ZNF91: variants seen among roughly 807,000 people sequenced by gnomAD.
ZNF91 encodes the protein zinc finger protein 91.
In ZNF91, 7 loss-of-function variants were observed where a neutral mutation model predicts 12.6. The ratio of observed to expected loss-of-function variants is 0.55; its 90% CI spans 0.31 to 1.04. The LOEUF (loss-of-function observed/expected upper bound fraction) is 1.04. ZNF91 is among the 50% of genes least tolerant of loss of function. The pLI is 0.05. For missense variants in ZNF91, 1,217 were observed against 1,385.4 expected (o/e 0.88, Z 1.93); for synonymous variants, 453 against 462.6 (o/e 0.98, Z 0.27).
At chr19:23,311,634 A>T (rs1967473426), upstream of ZNF91, among the ~76,000 whole-genome samples, 2 of 152,112 alleles carry the variant, frequency 1.3e-5, no homozygotes, top group African/African-American at 4.8e-5. Context: ...ATATCTCTAC[A>T]TCTATCATTT....
At chr19:23,378,045 G>T (rs891085188) in intron 1 of ZNF91, among the ~76,000 whole-genome samples, 1 of 152,094 alleles carries the variant, frequency 6.6e-6, no homozygotes, top group African/African-American at 2.4e-5. Context: ...TAATTTAGAT[G>T]AATTATTATG....
At chr19:23,366,808 A>G (rs1403800560) in intron 3 of ZNF91, among the ~76,000 whole-genome samples, 1 of 152,268 alleles carries the variant, frequency 6.6e-6, no homozygotes, top group African/African-American at 2.4e-5. Context: ...ACCTCCTACC[A>G]GGTCCGACAT....
At chr19:23,379,147 TC>T (rs1386320202) in intron 1 of ZNF91, among the ~76,000 whole-genome samples, 1 of 152,134 alleles carries the variant, frequency 6.6e-6, no homozygotes, top group African/African-American at 2.4e-5. Flanking sequence ...GGGCTGATGG[TC>T]CAATAATAAG....
intron 1 of ZNF91, chr19:23,325,295 A>G (rs1173393383): frequency 1.3e-5 from 2 of 152,056 alleles, no homozygotes; most frequent in African/African-American, 2.4e-5. Context: ...TTGTTTTACA[A>G]TTCTTAAATC....
At chr19:23,379,652 C>T (rs1969623229) in intron 1 of ZNF91, among the ~76,000 whole-genome samples, 1 of 152,188 alleles carries the variant, frequency 6.6e-6, no homozygotes, top group Non-Finnish European at 1.5e-5. Context: ...ATAAGCTTTT[C>T]ACATCTTCAT....
Position 23,359,698 on chromosome 19 carries a change from G to A in ZNF91, c.3281C>T (p.Thr1094Ile). The change falls in exon 4 of 4, where the codon ACT becomes ATT. Residue 1094 changes from threonine to isoleucine, a missense_variant. Thr to Ile is a moderately conservative substitution (Grantham distance 89, BLOSUM62 -1). Transcript: ENST00000300619. ...GKAFSQSSTL[T>I]RHKRLHTGEK... ...TCCGGTGTGCAACCTCTTATGTCTA[G>A]TTAGGGTTGAAGATTGGCTAAATGC... is the stretch of plus-strand genomic sequence containing the variant. 3.1e-6 allele frequency: 5 copies of A among 1,614,056 alleles called. No homozygotes were observed. The highest frequency in any genetic ancestry group is 3.4e-6 in the Non-Finnish European group (4 of 1,180,004).
chr19:23,331,787 T>C (rs1167794378), intron 1 of ZNF91, among the ~76,000 whole-genome samples: 1 of 152,242 alleles, frequency 6.6e-6, no homozygotes, highest in Non-Finnish European at 1.5e-5. Flanking sequence ...ATCAGTGTAT[T>C]GGAGAAGTGG....
At chr19:23,311,093 A>C (rs1227425975), upstream of ZNF91, among the ~76,000 whole-genome samples, 1 of 152,220 alleles carries the variant, frequency 6.6e-6, no homozygotes, top group Non-Finnish European at 1.5e-5. Context: ...CCTGGGTCAT[A>C]GAAAATATTG....
chr19:23,309,808 C>T lies in ZNF91; in HGVS notation n.17-711G>A, dbSNP rs1203825553. On this transcript the variant is annotated intron_variant and non_coding_transcript_variant, in intron 1 of 3. Coordinates refer to the ZNF91 transcript ENST00000593292. Reference sequence around the variant, plus strand: ...CCACTCTCTCGCATATTGTATAAAGCCCTTGGGTGGTAGAGAGAGTGTCAT... The same window carrying T: ...CCACTCTCTCGCATATTGTATAAAGTCCTTGGGTGGTAGAGAGAGTGTCAT... Among the ~76,000 whole-genome samples the T allele has an allele frequency of 3.9e-5, 6 of 152,254 alleles. No homozygotes were observed. In the East Asian group the frequency reaches 7.7e-4, roughly 20 times the overall value.
chr19:23,347,630 C>G (rs1166380572), intron 3 of ZNF91, among the ~76,000 whole-genome samples: 1 of 152,178 alleles, frequency 6.6e-6, no homozygotes, highest in Non-Finnish European at 1.5e-5. Context: ...TCTCTATCCT[C>G]CAAAGCCTCC....
At chr19:23,366,981 A>G (rs939303309) in intron 3 of ZNF91, among the ~76,000 whole-genome samples, 5 of 152,242 alleles carry the variant, frequency 3.3e-5, no homozygotes, top group African/African-American at 1.2e-4. Flanking sequence ...GTTACGACAC[A>G]TACTAAGTTT....
At chr19:23,309,879 T>C (rs1164948760) in intron 1 of ZNF91, among the ~76,000 whole-genome samples, 1 of 151,932 alleles carries the variant, frequency 6.6e-6, no homozygotes, top group Non-Finnish European at 1.5e-5. Context: ...TGTGTGCTCA[T>C]CCTGACAACC....
chr19:23,355,343 C>T (rs55690790), downstream of ZNF91, among the ~76,000 whole-genome samples: 1,780 of 152,196 alleles, frequency 0.012, 38 homozygotes, highest in African/African-American at 0.04. Context: ...CAAACAAAAA[C>T]ATAAAGTGGG....
intron 1 of ZNF91, among the ~76,000 whole-genome samples, chr19:23,333,295 AC>A (rs1967955923): frequency 6.6e-6 from 1 of 152,168 alleles, no homozygotes; most frequent in African/African-American, 2.4e-5. Context: ...TTGTTACTTT[AC>A]ATATTATAGA....
intron 3 of ZNF91, among the ~76,000 whole-genome samples, chr19:23,345,891 C>T (rs1968216913): frequency 6.6e-6 from 1 of 152,074 alleles, no homozygotes; most frequent in Non-Finnish European, 1.5e-5. Context: ...ACCCATCCCG[C>T]CACTTTACAC....
chr19:23,369,092 A>G (rs555825543), intron 3 of ZNF91, among the ~76,000 whole-genome samples: 28 of 152,178 alleles, frequency 1.8e-4, no homozygotes, highest in African/African-American at 6.7e-4. Flanking sequence ...CAGGCAGATC[A>G]CAAGGTCAGG....
intron 1 of ZNF91, among the ~76,000 whole-genome samples, chr19:23,390,681 T>C (rs924776856): frequency 2.0e-5 from 3 of 152,106 alleles, no homozygotes; most frequent in African/African-American, 4.8e-5. Flanking sequence ...GTTCCTCAGC[T>C]GTCCAAGTAG....
At chr19:23,306,052 ACT>A (rs1317888207) in intron 3 of ZNF91, among the ~76,000 whole-genome samples, 2 of 152,262 alleles carry the variant, frequency 1.3e-5, no homozygotes, top group African/African-American at 4.8e-5. Context: ...ACATAGAAAT[ACT>A]CATATAATCT....
At chr19:23,373,581 T>C (rs1969381967) in intron 3 of ZNF91, among the ~76,000 whole-genome samples, 161 bp downstream of exon 3, 1 of 152,064 alleles carries the variant, frequency 6.6e-6, no homozygotes, top group African/African-American at 2.4e-5. Flanking sequence ...AGAGATTTTA[T>C]AAGCATTAAC....
Sources: allele counts gnomAD v4.1 joint callset (sites outside exome capture counted in the v4.1 genomes callset), GRCh38; gene constraint gnomAD v4.1.1; transcripts MANE v1.5; gene names NCBI Gene and HGNC (gene_info 2026-07-23, HGNC 2026-07-21).